The following LRRC28 variants were observed in gnomAD, a reference collection of about 807,000 sequenced individuals.
The protein encoded by LRRC28 is leucine rich repeat containing 28.
LRRC28 carries 39 observed loss-of-function variants against 45.7 expected under a neutral mutation model. That is an observed-to-expected ratio of 0.85 (90% confidence interval 0.66 to 1.12). The LOEUF (loss-of-function observed/expected upper bound fraction) is 1.12, where lower values mean the gene tolerates loss of function less well. Ranked by LOEUF, LRRC28 falls within the 50% of genes most tolerant of loss-of-function variation. The pLI is 0.00. For missense variants in LRRC28, 435 were observed against 438.5 expected, an observed-to-expected ratio of 0.99 and a Z score of 0.07; for synonymous variants, 206 against 178.8, an observed-to-expected ratio of 1.15 and a Z score of -1.22.
chr15:99,298,050 TA>T (rs567607515), intron 5 of LRRC28, among the ~76,000 whole-genome samples: 72 of 146,726 alleles, frequency 4.9e-4, no homozygotes, highest in Admixed American at 5.4e-4. Flanking sequence ...ACAATACTTT[TA>T]AAAAAAAAAA....
chr15:99,318,847 C>T (rs1955691336), intron 5 of LRRC28, among the ~76,000 whole-genome samples: 2 of 151,448 alleles, frequency 1.3e-5, no homozygotes, highest in African/African-American at 2.4e-5. Flanking sequence ...TGTGTTTTTC[C>T]AGTGGTTTCC....
intron 3 of LRRC28, chr15:99,285,150 C>T: frequency 2.8e-6 from 2 of 721,632 alleles, no homozygotes; most frequent in Non-Finnish European, 5.1e-6. Context: ...AGCCCCTTTT[C>T]TTGTCACTGC....
chr15:99,351,148 G>T (rs1216271849), intron 6 of LRRC28, among the ~76,000 whole-genome samples: 1 of 152,050 alleles, frequency 6.6e-6, no homozygotes, highest in African/African-American at 2.4e-5. Context: ...TAGCAAGACT[G>T]CTCAGGACTC....
intron 6 of LRRC28, among the ~76,000 whole-genome samples, chr15:99,336,645 C>G (rs780456233): frequency 6.6e-6 from 1 of 152,192 alleles, no homozygotes; most frequent in East Asian, 1.9e-4. Context: ...CCACTCCGTA[C>G]GCCAACCAGG....
At chr15:99,379,927 CT>C (rs532837265) in intron 9 of LRRC28, among the ~76,000 whole-genome samples, 204 of 152,292 alleles carry the variant, frequency 1.3e-3, no homozygotes, top group African/African-American at 4.0e-3. Context: ...AATTTCTGTT[CT>C]TTTACATTTG....
At chr15:99,358,100 T>G (rs1957096567) in intron 7 of LRRC28, among the ~76,000 whole-genome samples, 1 of 152,156 alleles carries the variant, frequency 6.6e-6, no homozygotes, top group African/African-American at 2.4e-5. Flanking sequence ...CTAAAAGAAT[T>G]TAGTAAGGTG....
chr15:99,302,659 A>G (rs1955027412), intron 5 of LRRC28, among the ~76,000 whole-genome samples: 1 of 152,216 alleles, frequency 6.6e-6, no homozygotes. Context: ...GGAACCCTCA[A>G]TACAATCTAG....
rs1300078873 is a variant in LRRC28 at position 99,387,261 on chromosome 15, CGTGTTAGCCGGG to C, written c.*1160_*1171del. 1.3e-5 allele frequency: 2 copies of C among 151,088 alleles called. No homozygotes were observed. The highest frequency in any genetic ancestry group is 2.9e-5 in the Non-Finnish European group (2 of 67,804). 9.4% of individuals were successfully genotyped at this position (151,088 alleles called of 1,614,324 possible). ...ATTTTTAGTAGAGACGGGGTTTCAC[CGTGTTAGCCGGG>C]ATGGTCTCGATCTCCTGACCTCGTG... On this transcript the variant is annotated 3_prime_UTR_variant, in exon 10 of 10. Transcript: ENST00000301981.
intron 1 of LRRC28, among the ~76,000 whole-genome samples, chr15:99,252,863 C>G (rs545297541): frequency 6.6e-6 from 1 of 152,294 alleles, no homozygotes; most frequent in South Asian, 2.1e-4. Flanking sequence ...AACCCATCAC[C>G]TAGGTTTTAG....
At position 99,354,515 on chromosome 15, in the gene LRRC28, G is replaced by A. The variant is rs796351160; in HGVS notation, c.695+2044G>A. Among the ~76,000 whole-genome samples, 60 of 152,294 alleles carry A rather than the reference G, an allele frequency of 3.9e-4. 1 individual carries two copies. The highest frequency in any genetic ancestry group is 1.3e-3 in the African/African-American group (56 of 41,566). On this transcript the variant is annotated intron_variant, in intron 7 of 9. Coordinates refer to ENST00000301981, the MANE Select transcript of LRRC28 (RefSeq NM_144598.5). ...GGGGAAATCTAGTAAAAGGACATAC[G>A]TGTGTTGAAAGCCTAGAAAGTGCCC...
chr15:99,358,235 T>C (rs1187140441), intron 7 of LRRC28, among the ~76,000 whole-genome samples: 4 of 152,130 alleles, frequency 2.6e-5, no homozygotes, highest in African/African-American at 9.7e-5. Context: ...CAGTAATAAA[T>C]ATCACAAGAA....
At chr15:99,317,511 A>T (rs570844362) in intron 5 of LRRC28, 10 of 152,358 alleles carry the variant, frequency 6.6e-5, no homozygotes, top group African/African-American at 2.4e-4. Context: ...ACACAGTTGG[A>T]CTAACCGCTA....
intron 2 of LRRC28, among the ~76,000 whole-genome samples, chr15:99,273,484 G>A (rs62023778): frequency 2.7e-5 from 4 of 150,096 alleles, no homozygotes; most frequent in Admixed American, 6.6e-5. Context: ...TGATCTGCCC[G>A]CCTCGGCCTC....
intron 9 of LRRC28, among the ~76,000 whole-genome samples, chr15:99,381,863 A>G: frequency 6.6e-6 from 1 of 152,238 alleles, no homozygotes; most frequent in Admixed American, 6.5e-5. Flanking sequence ...CTGAACAGCA[A>G]ATGTTGCTGC....
chr15:99,274,873 C>T (rs1052069387), intron 2 of LRRC28, among the ~76,000 whole-genome samples: 1 of 152,166 alleles, frequency 6.6e-6, no homozygotes, highest in African/African-American at 2.4e-5. Flanking sequence ...GAACTACTCT[C>T]CTCTCCATTC....
At chr15:99,360,815 T>C (rs905808126) in intron 7 of LRRC28, among the ~76,000 whole-genome samples, 4 of 152,226 alleles carry the variant, frequency 2.6e-5, no homozygotes, top group African/African-American at 9.7e-5. Flanking sequence ...TGACTTGGCT[T>C]ATTGAGTATG....
intron 5 of LRRC28, among the ~76,000 whole-genome samples, chr15:99,294,841 T>G (rs181298618): frequency 6.6e-6 from 1 of 152,338 alleles, no homozygotes; most frequent in East Asian, 1.9e-4. Flanking sequence ...CTTTTCATCT[T>G]TGGTGCCCTG....
chr15:99,252,330 G>T (rs1439383252), intron 1 of LRRC28, among the ~76,000 whole-genome samples: 1 of 152,208 alleles, frequency 6.6e-6, no homozygotes, highest in Admixed American at 6.5e-5. Context: ...GCTATTATTG[G>T]CAGTTTTAGG....
At chr15:99,257,460 C>T (rs1171307343) in intron 2 of LRRC28, among the ~76,000 whole-genome samples, 1 of 152,192 alleles carries the variant, frequency 6.6e-6, no homozygotes, top group Non-Finnish European at 1.5e-5. Flanking sequence ...TATTAACTAT[C>T]TGCCATAGCC....
Sources: gnomAD v4.1 joint callset for allele counts (sites outside exome capture counted in the v4.1 genomes callset) on GRCh38, gnomAD v4.1.1 for gene constraint, MANE v1.5 for transcripts, NCBI Gene and HGNC (gene_info 2026-07-23, HGNC 2026-07-21) for gene names.